SLC9A9: variants seen among roughly 807,000 people sequenced by gnomAD.
The protein encoded by SLC9A9 is solute carrier family 9 member A9, also known as sodium/hydrogen exchanger 9.
In SLC9A9, 62 loss-of-function variants were observed where a neutral mutation model predicts 77.8. The observed-to-expected ratio is 0.80, with a 90% confidence interval of 0.65 to 0.98. The LOEUF is 0.98. SLC9A9 is among the 50% of genes least tolerant of loss of function. SLC9A9 has a pLI of 0.00. For synonymous variants in SLC9A9, 320 were observed against 283.5 expected, an observed-to-expected ratio of 1.13 and a Z score of -1.29; for missense variants, 775 against 774.9, an observed-to-expected ratio of 1.00 and a Z score of 0.00.
chr3:143,372,692 T>C (rs544116479), intron 13 of SLC9A9, among the ~76,000 whole-genome samples: 37 of 152,254 alleles, frequency 2.4e-4, no homozygotes, highest in Admixed American at 4.6e-4. Flanking sequence ...TGGGATAAAA[T>C]ATTTGCAAAC....
chr3:143,345,656 T>G (rs980474283), intron 14 of SLC9A9, among the ~76,000 whole-genome samples: 1 of 152,182 alleles, frequency 6.6e-6, no homozygotes, highest in Non-Finnish European at 1.5e-5. Context: ...TATCTGAAGT[T>G]GTTGATCAAT....
intron 2 of SLC9A9, among the ~76,000 whole-genome samples, chr3:143,822,957 T>C (rs1559815072): frequency 1.3e-5 from 2 of 151,912 alleles, no homozygotes; most frequent in South Asian, 2.1e-4. Context: ...CTCTGAGTAG[T>C]AAACAACCAT....
intron 4 of SLC9A9, among the ~76,000 whole-genome samples, chr3:143,738,377 C>T (rs917959954): frequency 6.6e-6 from 1 of 152,198 alleles, no homozygotes. Flanking sequence ...AGTGGCCACA[C>T]CTTGACTTCC....
intron 9 of SLC9A9, among the ~76,000 whole-genome samples, chr3:143,547,781 C>A (rs909447466): frequency 6.6e-6 from 1 of 152,220 alleles, no homozygotes; most frequent in African/African-American, 2.4e-5. Context: ...TACAAGCCTG[C>A]CTTCCCATCA....
chr3:143,832,655 G>T (rs1303754331), intron 1 of SLC9A9, among the ~76,000 whole-genome samples: 1 of 151,672 alleles, frequency 6.6e-6, no homozygotes, highest in Non-Finnish European at 1.5e-5. Flanking sequence ...ACACCCCATG[G>T]TTGGGGTGAG....
intron 12 of SLC9A9, among the ~76,000 whole-genome samples, chr3:143,392,747 T>C (rs555367948): frequency 2.4e-4 from 37 of 152,028 alleles, no homozygotes; most frequent in Admixed American, 2.4e-3. Context: ...AATAAAGGGA[T>C]GGAGGAAGAT....
chr3:143,490,013 CAG>C (rs1473296350), intron 11 of SLC9A9, among the ~76,000 whole-genome samples: 1 of 152,016 alleles, frequency 6.6e-6, no homozygotes, highest in African/African-American at 2.4e-5. Flanking sequence ...GAAAAAGAAA[CAG>C]AAAATAATTT....
intron 2 of SLC9A9, among the ~76,000 whole-genome samples, chr3:143,826,468 C>T (rs1315330653): frequency 6.6e-6 from 1 of 152,146 alleles, no homozygotes; most frequent in Non-Finnish European, 1.5e-5. Flanking sequence ...CTTGCATCTA[C>T]CTCTTGGTTA....
At chr3:143,324,226 T>G (rs1157131539) in intron 14 of SLC9A9, among the ~76,000 whole-genome samples, 1 of 152,004 alleles carries the variant, frequency 6.6e-6, no homozygotes, top group Non-Finnish European at 1.5e-5. Context: ...GGGAGCAAGG[T>G]GGGGTCATTG....
chr3:143,690,200 T>C (rs943482180), intron 5 of SLC9A9, among the ~76,000 whole-genome samples: 7 of 151,986 alleles, frequency 4.6e-5, no homozygotes, highest in African/African-American at 1.4e-4. Context: ...TGAGAATATA[T>C]GTTTTAAGCA....
At chr3:143,726,609 C>G (rs1934662364) in intron 4 of SLC9A9, among the ~76,000 whole-genome samples, 1 of 152,098 alleles carries the variant, frequency 6.6e-6, no homozygotes, top group African/African-American at 2.4e-5. Context: ...GGATAAGCTA[C>G]TTGTCCATGA....
At chr3:143,799,122 C>T (rs1033339952) in intron 2 of SLC9A9, among the ~76,000 whole-genome samples, 2 of 152,154 alleles carry the variant, frequency 1.3e-5, no homozygotes, top group African/African-American at 2.4e-5. Flanking sequence ...AAGGTTAATG[C>T]TCCTTTTTCT....
At chr3:143,664,741 C>T (rs772886588) in intron 5 of SLC9A9, among the ~76,000 whole-genome samples, 3 of 152,108 alleles carry the variant, frequency 2.0e-5, no homozygotes, top group Non-Finnish European at 4.4e-5. Context: ...ACAAAGAAGG[C>T]CATTATGTAA....
intron 2 of SLC9A9, among the ~76,000 whole-genome samples, chr3:143,813,571 C>G (rs1285420331): frequency 6.6e-6 from 1 of 152,142 alleles, no homozygotes; most frequent in Non-Finnish European, 1.5e-5. Context: ...AGAGCAGAGC[C>G]CAGCATGGAG....
chr3:143,574,542 A>C (rs1026395335), intron 7 of SLC9A9, among the ~76,000 whole-genome samples: 2 of 151,986 alleles, frequency 1.3e-5, no homozygotes, highest in African/African-American at 2.4e-5. Flanking sequence ...AGCCAAGGAG[A>C]GTGTAGGGGG....
intron 2 of SLC9A9, among the ~76,000 whole-genome samples, chr3:143,823,889 A>AT (rs1356974447): frequency 6.6e-6 from 1 of 151,718 alleles, no homozygotes; most frequent in Non-Finnish European, 1.5e-5. Flanking sequence ...TTTATATTTC[A>AT]TTTTATCTCA....
At chr3:143,355,836 T>C (rs1576445131) in intron 14 of SLC9A9, among the ~76,000 whole-genome samples, 1 of 152,200 alleles carries the variant, frequency 6.6e-6, no homozygotes, top group East Asian at 1.9e-4. Context: ...AATAAATGTA[T>C]TGAATTTGAT....
chr3:143,674,933 C>T (rs1203398715), intron 5 of SLC9A9, among the ~76,000 whole-genome samples: 1 of 152,076 alleles, frequency 6.6e-6, no homozygotes, highest in Non-Finnish European at 1.5e-5. Context: ...TTTTTATATT[C>T]ATCGGGGCTG....
intron 14 of SLC9A9, among the ~76,000 whole-genome samples, chr3:143,316,363 A>C (rs1001504040): frequency 6.6e-6 from 1 of 152,120 alleles, no homozygotes; most frequent in African/African-American, 2.4e-5. Flanking sequence ...TGGGGAAGAG[A>C]GAAAGTAAAC....
Sources: gnomAD v4.1 joint callset for allele counts (sites outside exome capture counted in the v4.1 genomes callset) on GRCh38, gnomAD v4.1.1 for gene constraint, MANE v1.5 for transcripts, NCBI Gene and HGNC (gene_info 2026-07-23, HGNC 2026-07-21) for gene names.